TMEM213: variants seen among roughly 807,000 people sequenced by gnomAD.
TMEM213 encodes the protein transmembrane protein 213.
Under a neutral mutation model 11.6 loss-of-function variants are expected in TMEM213, and 7 were observed. The observed-to-expected ratio is 0.60, with a 90% CI of 0.34 to 1.13. The LOEUF is 1.13. TMEM213 is among the 50% of genes most tolerant of loss of function. The pLI is 0.03. For synonymous variants in TMEM213, 60 were observed against 58.3 expected (o/e 1.03, Z -0.13); for missense variants, 129 against 139.0 (o/e 0.93, Z 0.36).
At chr7:138,798,230 G>A in intron 1 of TMEM213, 44 bp downstream of exon 1, 1 of 1,524,158 alleles carries the variant, frequency 6.6e-7, no homozygotes, top group Non-Finnish European at 8.9e-7. Flanking sequence ...GGAAGGGGGA[G>A]GGAAGGAGGG....
At position 138,798,108 on chromosome 7, in the gene TMEM213, C is replaced by G. The variant is rs370506317; in HGVS notation, c.4C>G (p.Gln2Glu). The G allele has an allele frequency of 6.3e-7, 1 of 1,597,198 alleles. No individual in the cohort carries two copies. The highest frequency in any genetic ancestry group is 2.3e-5 in the East Asian group (1 of 44,032). The change falls in exon 1 of 3, where the codon CAG becomes GAG. Residue 2 changes from glutamine to glutamate, a missense_variant. Coordinates refer to ENST00000442682, the MANE Select transcript of TMEM213 (RefSeq NM_001085429.2). M[Q>E]RLPAATRATL... ...GGCACTCAGCACAGCCTCCAGCATG[C>G]AGCGCCTCCCCGCTGCCACCCGGGC...
chr7:138,802,788 C>T, intron 2 of TMEM213, 112 bp from the exon 3 acceptor site: 1 of 1,134,712 alleles, frequency 8.8e-7, no homozygotes, highest in South Asian at 1.7e-5. Flanking sequence ...ACGTAGTAGG[C>T]CTCATCAGTG....
Position 138,803,779 on chromosome 7 carries a change from G to GA in TMEM213, c.*728dup, listed in dbSNP as rs3087006. The GA allele has an allele frequency of 0.49, 50,582 of 103,036 alleles. 12,143 individuals are homozygous for GA. The highest frequency in any genetic ancestry group is 0.68 in the East Asian group (2,487 of 3,634). The allele number at this position is 103,036 out of a possible 1,614,324, so 6.4% of individuals were successfully genotyped here. On this transcript the variant is annotated 3_prime_UTR_variant, in exon 3 of 3. Coordinates refer to ENST00000442682, the MANE Select transcript of TMEM213 (RefSeq NM_001085429.2). ...GGCGGCAGAGCAAGACTCTGTATCA[G>GA]AAAAAAAAAAAAAAAAAAGAATGTG...
Position 138,798,177 on chromosome 7 carries a change from T to G in TMEM213, c.73T>G (p.Cys25Gly). 1 of 1,594,690 alleles carries G rather than the reference T, an allele frequency of 6.3e-7. No homozygotes were observed. The highest frequency in any genetic ancestry group is 1.3e-5 in the African/African-American group (1 of 74,700). Residue 25 changes from cysteine to glycine, a missense_variant, in exon 1 of 3, where the codon TGC becomes GGC. Cys to Gly is a radical substitution (Grantham distance 159, BLOSUM62 -3). Coordinates refer to ENST00000442682, the MANE Select transcript of TMEM213 (RefSeq NM_001085429.2). ...GGCCTTTGCCTCCCTCCACTCGGCT[T>G]GCTCGGCAGGTAGCGTTATGAGCTT... ...SLAFASLHSA[C>G]SAEASSSNSS...
chr7:138,798,135 AC>A lies in TMEM213; in HGVS notation c.34del (p.Leu12Ter), dbSNP rs1299446128. On this transcript the variant is annotated frameshift_variant, in exon 1 of 3. Coordinates refer to ENST00000442682, the MANE Select transcript of TMEM213 (RefSeq NM_001085429.2). LOFTEE classifies it high-confidence loss of function. The stretch of plus-strand genomic sequence containing the variant: ...GCGCCTCCCCGCTGCCACCCGGGCC[AC>A]CCTGATCCTCAGCCTGGCCTTTGCC... MQRLPAATRA[T>X]LILSLAFASL... The A allele has an allele frequency of 6.2e-7, 1 of 1,601,330 alleles. No individual in the cohort carries two copies. Among genetic ancestry groups the A allele is most frequent in the African/African-American group, 1.3e-5 (1 of 74,646 alleles).
chr7:138,801,324 C>T lies in TMEM213; in HGVS notation c.83-3C>T. On this transcript the variant is annotated splice_region_variant and splice_polypyrimidine_tract_variant and intron_variant, in intron 1 of 2. Coordinates refer to ENST00000442682, the MANE Select transcript of TMEM213 (RefSeq NM_001085429.2). ...TCAGACTATCTCCTATCTTTTCTTC[C>T]AGAAGCAAGCAGCAGCAACAGCTCA... 3.1e-6 allele frequency: 5 copies of T among 1,611,142 alleles called. No individual in the cohort carries two copies. The highest frequency in any genetic ancestry group is 3.4e-6 in the Non-Finnish European group (4 of 1,178,692).
At chr7:138,800,683 C>T (rs1450501397) in intron 1 of TMEM213, among the ~76,000 whole-genome samples, 1 of 82,762 alleles carries the variant, frequency 1.2e-5, no homozygotes, top group Non-Finnish European at 2.5e-5. Context: ...GATGTTTCTT[C>T]TTCTTCTTCT....
Position 138,802,895 on chromosome 7 carries a change from A to C in TMEM213, c.155-5A>C, listed in dbSNP as rs1584964827. Reference sequence around the variant, plus strand: ...CCGTCGTCCTTGCTGTCCCTTCCCCACCAGACGTGGACTTCTGCCCACAAG... The same window carrying C: ...CCGTCGTCCTTGCTGTCCCTTCCCCCCCAGACGTGGACTTCTGCCCACAAG... On this transcript the variant is annotated splice_region_variant and splice_polypyrimidine_tract_variant and intron_variant, in intron 2 of 2. Coordinates refer to ENST00000442682, the MANE Select transcript of TMEM213 (RefSeq NM_001085429.2). The C allele has an allele frequency of 6.4e-7, 1 of 1,556,684 alleles. No homozygotes were observed. Among genetic ancestry groups the C allele is most frequent in the Admixed American group, 2.0e-5 (1 of 50,732 alleles).
intron 2 of TMEM213, among the ~76,000 whole-genome samples, chr7:138,802,009 G>T (rs2004723): frequency 4.6e-5 from 7 of 151,794 alleles, no homozygotes; most frequent in African/African-American, 1.7e-4. Flanking sequence ...ATTAAAAATA[G>T]AAAAAAATTA....
Position 138,798,048 on chromosome 7 carries a change from C to G in TMEM213, c.-57C>G. The G allele has an allele frequency of 6.4e-7, 1 of 1,558,638 alleles. No homozygotes were observed. The highest frequency in any genetic ancestry group is 8.7e-7 in the Non-Finnish European group (1 of 1,151,342). On this transcript the variant is annotated 5_prime_UTR_variant, in exon 1 of 3. Transcript: ENST00000442682. ...AGTCGACTCACCTGCAGCAGGCACT[C>G]GGCACAACTCCGCAGGACCGGCTCA... is the stretch of plus-strand genomic sequence containing the variant.
chr7:138,803,129 G>T lies in TMEM213; in HGVS notation c.*60G>T. On this transcript the variant is annotated 3_prime_UTR_variant, in exon 3 of 3. Transcript: ENST00000442682. ...CCAATTTGTGGCTAATGGGGAAGGG[G>T]AGTAAGGCTAACATGGTTTCTATTA... The T allele has an allele frequency of 6.4e-7, 1 of 1,552,528 alleles. No individual in the cohort carries two copies. The highest frequency in any genetic ancestry group is 8.7e-7 in the Non-Finnish European group (1 of 1,143,534).
intron 2 of TMEM213, among the ~76,000 whole-genome samples, chr7:138,802,556 G>GAA (rs11424575): frequency 0.12 from 16,815 of 140,998 alleles, 1,091 homozygotes; most frequent in African/African-American, 0.13. Flanking sequence ...GTCTCAAAAA[G>GAA]AAAAAAAAAA....
chr7:138,799,315 C>T (rs1362992530), intron 1 of TMEM213: 2 of 152,158 alleles, frequency 1.3e-5, no homozygotes, highest in East Asian at 1.9e-4. Context: ...TTCTACTTAC[C>T]CCGACAGTGC....
rs1481209796 is a variant in TMEM213, at chr7:138,805,951, T to G, written c.*2882T>G. 2 of 152,146 alleles carry G rather than the reference T, an allele frequency of 1.3e-5. No homozygotes were observed. Among genetic ancestry groups the G allele is most frequent in the Non-Finnish European group, 2.9e-5 (2 of 68,022 alleles). 9.4% of individuals were successfully genotyped at this position (152,146 alleles called of 1,614,324 possible). On this transcript the variant is annotated 3_prime_UTR_variant, in exon 3 of 3. Coordinates refer to ENST00000442682, the MANE Select transcript of TMEM213 (RefSeq NM_001085429.2). ...ATGCCCTCCAGTCTGGGGAACCCCG[T>G]AGATGCTTAGACTACTTTGAACTGA...
chr7:138,801,069 C>T (rs1308045168), intron 1 of TMEM213, among the ~76,000 whole-genome samples: 1 of 152,112 alleles, frequency 6.6e-6, no homozygotes, highest in Non-Finnish European at 1.5e-5. Context: ...TTAAGCTTAA[C>T]TGCCTCTTCG....
At position 138,798,037 on chromosome 7, in the gene TMEM213, C is replaced by A. The variant is rs1383271850; in HGVS notation, c.-68C>A. On this transcript the variant is annotated 5_prime_UTR_variant, in exon 1 of 3. Transcript: ENST00000442682. ...CTGCAGGTGGGAGTCGACTCACCTG[C>A]AGCAGGCACTCGGCACAACTCCGCA... 3.9e-6 allele frequency: 6 copies of A among 1,554,738 alleles called. No homozygotes were observed. Among genetic ancestry groups the A allele is most frequent in the South Asian group, 3.6e-5 (3 of 84,136 alleles).
At chr7:138,801,696 G>A in intron 2 of TMEM213, 1 of 388,206 alleles carries the variant, frequency 2.6e-6, no homozygotes, top group East Asian at 4.4e-5. Context: ...GAGGTGGAAA[G>A]GCCATAAGAA....
At position 138,803,161 on chromosome 7, in the gene TMEM213, T is replaced by C. The variant is rs1809003220; in HGVS notation, c.*92T>C. The C allele has an allele frequency of 7.0e-7, 1 of 1,419,034 alleles. No homozygotes were observed. The highest frequency in any genetic ancestry group is 1.4e-5 in the African/African-American group (1 of 69,948). 87.9% of individuals were successfully genotyped at this position (1,419,034 alleles called of 1,614,324 possible). ...GCTAACATGGTTTCTATTATTTAAG[T>C]CATTTTCACCTTTAAGCTTCAGTTA... On this transcript the variant is annotated 3_prime_UTR_variant, in exon 3 of 3. Transcript: ENST00000442682.
At chr7:138,800,007 T>C (rs1376455386) in intron 1 of TMEM213, among the ~76,000 whole-genome samples, 1 of 152,128 alleles carries the variant, frequency 6.6e-6, no homozygotes, top group Non-Finnish European at 1.5e-5. Context: ...TTTTTTTTTT[T>C]TCCTTTTTGC....
Sources: allele counts gnomAD v4.1 joint callset (sites outside exome capture counted in the v4.1 genomes callset), GRCh38; gene constraint gnomAD v4.1.1; transcripts MANE v1.5; gene names NCBI Gene and HGNC (gene_info 2026-07-23, HGNC 2026-07-21).